The following KDM2A variants were observed in gnomAD, a reference collection of about 807,000 sequenced individuals.
KDM2A encodes the protein lysine-specific demethylase 2A.
A neutral mutation model predicts 137.3 loss-of-function variants in KDM2A; 3 were observed. That is an observed-to-expected ratio of 0.02 (90% confidence interval 0.01 to 0.06). The LOEUF is 0.06. Ranked by LOEUF, KDM2A falls within the 10% of genes least tolerant of loss-of-function variation. KDM2A has a pLI of 1.00. For missense variants in KDM2A, 738 were observed against 1,510.6 expected (o/e 0.49, Z 8.48); for synonymous variants, 512 against 541.5 (o/e 0.95, Z 0.76).
intron 2 of KDM2A, among the ~76,000 whole-genome samples, chr11:67,174,444 C>T (rs1856938763): frequency 6.6e-6 from 1 of 152,120 alleles, no homozygotes; most frequent in South Asian, 2.1e-4. Flanking sequence ...AATACCCTTT[C>T]CACTATTCTA....
chr11:67,153,922 CTGAGT>C lies in KDM2A; in HGVS notation c.43-26155_43-26151del, dbSNP rs1385934438. Among the ~76,000 whole-genome samples, 5 of 151,180 alleles carry C rather than the reference CTGAGT, an allele frequency of 3.3e-5. No homozygotes were observed. The East Asian group carries it at 7.7e-4, about 23-fold the overall frequency. ...ATTTAAAATTTTCTGTTGTTTTTGGCTGAGTTATTTGAAAGTAATTTGCATACATC... is the reference window on the plus strand; with the variant it reads ...ATTTAAAATTTTCTGTTGTTTTTGGCTATTTGAAAGTAATTTGCATACATC... On this transcript the variant is annotated intron_variant, in intron 2 of 20. Transcript: ENST00000529006.
intron 17 of KDM2A, 200 bp from the exon 18 acceptor site, chr11:67,252,494 C>A: frequency 1.7e-6 from 1 of 602,038 alleles, no homozygotes; most frequent in Admixed American, 2.7e-5. Context: ...TGTAGGTTTG[C>A]AAAGCGTCTA....
At chr11:67,140,752 CA>C (rs956315207) in intron 2 of KDM2A, among the ~76,000 whole-genome samples, 37 of 143,700 alleles carry the variant, frequency 2.6e-4, no homozygotes, top group East Asian at 4.0e-4. Context: ...AACTTTGTCT[CA>C]AAAAAAAAAA....
intron 2 of KDM2A, among the ~76,000 whole-genome samples, chr11:67,156,526 G>A (rs563800627): frequency 6.6e-6 from 1 of 151,908 alleles, no homozygotes; most frequent in South Asian, 2.1e-4. Flanking sequence ...GACCATCCTG[G>A]CTAACACAGT....
At chr11:67,217,151 A>T (rs1216209187) in intron 8 of KDM2A, among the ~76,000 whole-genome samples, 7 of 149,770 alleles carry the variant, frequency 4.7e-5, no homozygotes, top group African/African-American at 1.7e-4. Context: ...CTGAGGCAGG[A>T]GAATCGCTTG....
Position 67,181,881 on chromosome 11 carries a change from A to G in KDM2A, c.296A>G (p.Lys99Arg). 6.2e-7 allele frequency: 1 copy of G among 1,613,854 alleles called. No individual in the cohort carries two copies. The highest frequency in any genetic ancestry group is 8.5e-7 in the Non-Finnish European group (1 of 1,179,802). ...CCAGACTTCACTGTGAATGATGTCA[A>G]AATGTGTGTGGGTAAGTGTCGAGCT... ...PDPDFTVNDV[K>R]MCVGSRRMVD... Residue 99 changes from lysine to arginine, a missense_variant, in exon 5 of 21, where the codon AAA becomes AGA. Lys to Arg is a conservative substitution (Grantham distance 26). Coordinates refer to ENST00000529006, the MANE Select transcript of KDM2A (RefSeq NM_012308.3).
intron 2 of KDM2A, among the ~76,000 whole-genome samples, chr11:67,161,913 A>G (rs920925443): frequency 1.3e-5 from 2 of 152,142 alleles, no homozygotes; most frequent in African/African-American, 4.8e-5. Context: ...TTCCTAAGGT[A>G]GTAGGTTTAA....
At chr11:67,205,352 T>A (rs1364193204) in intron 5 of KDM2A, among the ~76,000 whole-genome samples, 1 of 152,164 alleles carries the variant, frequency 6.6e-6, no homozygotes, top group East Asian at 1.9e-4. Flanking sequence ...ACAGTGGCCA[T>A]ATTCTTCTCT....
chr11:67,215,602 G>A (rs1345275288), intron 7 of KDM2A, 156 bp downstream of exon 7: 3 of 633,138 alleles, frequency 4.7e-6, no homozygotes, highest in Non-Finnish European at 8.4e-6. Flanking sequence ...AAGGAAGAGT[G>A]TATGTGAGCA....
At chr11:67,249,849 A>G (rs1358694808) in intron 16 of KDM2A, among the ~76,000 whole-genome samples, 2 of 152,194 alleles carry the variant, frequency 1.3e-5, no homozygotes, top group Non-Finnish European at 2.9e-5. Context: ...AAAAATGGTC[A>G]GGCCAGGTGC....
At chr11:67,157,746 C>CA (rs34189357) in intron 2 of KDM2A, among the ~76,000 whole-genome samples, 11,147 of 77,862 alleles carry the variant, frequency 0.14, 834 homozygotes, top group Admixed American at 0.29. Context: ...ACTCCGTCTC[C>CA]AAAAAAAAAA....
chr11:67,130,890 A>T (rs1289775634), intron 2 of KDM2A, among the ~76,000 whole-genome samples: 1 of 148,546 alleles, frequency 6.7e-6, no homozygotes, highest in African/African-American at 2.5e-5. Flanking sequence ...AATTATGGAG[A>T]GAGAGGCCCA....
At chr11:67,188,298 C>T (rs370584337) in intron 5 of KDM2A, among the ~76,000 whole-genome samples, 8 of 151,790 alleles carry the variant, frequency 5.3e-5, no homozygotes, top group African/African-American at 9.7e-5. Flanking sequence ...CTGGCTAACA[C>T]GGTGAAACCC....
At chr11:67,137,586 T>G (rs1855996348) in intron 2 of KDM2A, among the ~76,000 whole-genome samples, 1 of 152,142 alleles carries the variant, frequency 6.6e-6, no homozygotes, top group South Asian at 2.1e-4. Flanking sequence ...GACTCCCAAG[T>G]TTTCCTAGTG....
intron 11 of KDM2A, among the ~76,000 whole-genome samples, chr11:67,228,889 G>A (rs538761473): frequency 6.6e-6 from 1 of 152,072 alleles, no homozygotes; most frequent in East Asian, 1.9e-4. Flanking sequence ...ACTATGCCCA[G>A]CTAATTCTTA....
chr11:67,242,960 C>G, intron 12 of KDM2A, 49 bp from the exon 13 acceptor site: 1 of 1,503,240 alleles, frequency 6.7e-7, no homozygotes, highest in East Asian at 2.3e-5. Flanking sequence ...GTGGTTGGCT[C>G]TTTGTTCACC....
chr11:67,164,592 C>T (rs1856700530), intron 2 of KDM2A, among the ~76,000 whole-genome samples: 3 of 151,824 alleles, frequency 2.0e-5, no homozygotes, highest in South Asian at 2.1e-4. Context: ...ACTAGGATTA[C>T]AGGCATGAGC....
chr11:67,181,205 A>G (rs1399374926), intron 3 of KDM2A, 115 bp from the exon 4 acceptor site: 2 of 564,362 alleles, frequency 3.5e-6, no homozygotes, highest in South Asian at 3.1e-5. Context: ...CAGCATAACT[A>G]TATACACAGA....
At chr11:67,225,171 G>C (rs912956788) in intron 10 of KDM2A, among the ~76,000 whole-genome samples, 5 of 152,030 alleles carry the variant, frequency 3.3e-5, no homozygotes, top group African/African-American at 1.2e-4. Flanking sequence ...GAACTATCTC[G>C]CTTTTATTAT....
Sources: allele counts gnomAD v4.1 joint callset (sites outside exome capture counted in the v4.1 genomes callset), GRCh38; gene constraint gnomAD v4.1.1; transcripts MANE v1.5; gene names NCBI Gene and HGNC (gene_info 2026-07-23, HGNC 2026-07-21).